SEPTIN14: variants seen among roughly 807,000 people sequenced by gnomAD.
SEPTIN14 encodes the protein septin 14.
SEPTIN14 carries 40 observed loss-of-function variants against 53.6 expected under a neutral mutation model. That is an observed-to-expected ratio of 0.75 (90% confidence interval 0.58 to 0.97). SEPTIN14 has a LOEUF of 0.97. Among genes scored for constraint, SEPTIN14 ranks in the 50% least tolerant of loss-of-function variants. SEPTIN14 has a pLI of 0.00. For missense variants in SEPTIN14, 471 were observed against 508.2 expected (o/e 0.93, Z 0.70); for synonymous variants, 138 against 166.8 (o/e 0.83, Z 1.33).
intron 4 of SEPTIN14, 102 bp downstream of exon 4, chr7:55,844,421 C>T: frequency 1.9e-6 from 1 of 525,988 alleles, no homozygotes; most frequent in East Asian, 2.9e-5. Context: ...ATATTAAAAT[C>T]TGGAAGAAAA....
At chr7:55,854,783 A>G (rs187793932) in intron 2 of SEPTIN14, among the ~76,000 whole-genome samples, 143 of 152,316 alleles carry the variant, frequency 9.4e-4, no homozygotes, top group Non-Finnish European at 1.5e-3. Flanking sequence ...AATATTCAAA[A>G]GAGTTTGTCA....
At chr7:55,829,904 C>T (rs1157085008) in intron 6 of SEPTIN14, among the ~76,000 whole-genome samples, 4 of 149,908 alleles carry the variant, frequency 2.7e-5, no homozygotes, top group Admixed American at 2.0e-4. Context: ...TTTGGCCAGG[C>T]GCGGTGGCTC....
At chr7:55,843,810 C>T (rs1789356799) in intron 4 of SEPTIN14, among the ~76,000 whole-genome samples, 1 of 152,064 alleles carries the variant, frequency 6.6e-6, no homozygotes, top group Non-Finnish European at 1.5e-5. Context: ...CTAGCCTGGG[C>T]AACAGAGCAA....
Position 55,796,046 on chromosome 7 carries a change from A to C in SEPTIN14, c.1166T>G (p.Ile389Arg). The C allele has an allele frequency of 6.6e-7, 1 of 1,507,578 alleles. No individual in the cohort carries two copies. The highest frequency in any genetic ancestry group is 9.1e-7 in the Non-Finnish European group (1 of 1,099,570). The allele number at this position is 1,507,578 out of a possible 1,614,324, so 93.4% of individuals were successfully genotyped here. ...TTTTTTCTCTTCCTCGAGCTTCCTT[A>C]TCTCCTCCTGTTGAATCATTTTAAG... is the stretch of plus-strand genomic sequence containing the variant. Reference protein sequence around the residue: ...EHLKMIQQEEIRKLEEEKKQL... With the variant: ...EHLKMIQQEERRKLEEEKKQL... The change falls in exon 10 of 10, where the codon ATA becomes AGA. Residue 389 changes from isoleucine (I) to arginine (R), a missense_variant. Physicochemically the swap from Ile to Arg is moderately conservative, Grantham distance 97. Coordinates refer to ENST00000388975, the MANE Select transcript of SEPTIN14 (RefSeq NM_207366.3).
At chr7:55,840,210 C>T (rs1409924099) in intron 5 of SEPTIN14, among the ~76,000 whole-genome samples, 3 of 149,856 alleles carry the variant, frequency 2.0e-5, no homozygotes, top group South Asian at 2.1e-4. Context: ...AATGTGAGGC[C>T]GGGCACAGTG....
intron 6 of SEPTIN14, among the ~76,000 whole-genome samples, chr7:55,820,283 G>A (rs138217609): frequency 0.036 from 5,517 of 152,282 alleles, 139 homozygotes; most frequent in South Asian, 0.056. Flanking sequence ...TTACGGGCGT[G>A]AGCCACCACG....
intron 9 of SEPTIN14, chr7:55,798,622 CGT>C: frequency 2.8e-6 from 1 of 353,878 alleles, no homozygotes; most frequent in Non-Finnish European, 5.5e-6. Flanking sequence ...TCCGGCAGCC[CGT>C]GAGTGGCACT....
intron 5 of SEPTIN14, among the ~76,000 whole-genome samples, chr7:55,840,518 C>A (rs10239528): frequency 0.27 from 40,262 of 151,678 alleles, 6,507 homozygotes; most frequent in East Asian, 0.46. Flanking sequence ...GTGGACACCC[C>A]GGAGACACTA....
chr7:55,861,570 TTTG>T (rs1369730018), intron 2 of SEPTIN14, among the ~76,000 whole-genome samples: 2 of 151,954 alleles, frequency 1.3e-5, no homozygotes, highest in Non-Finnish European at 2.9e-5. Flanking sequence ...CATCCAACCA[TTTG>T]CTAAAATAAC....
chr7:55,860,746 G>T (rs945318864), intron 2 of SEPTIN14, among the ~76,000 whole-genome samples: 2 of 152,106 alleles, frequency 1.3e-5, no homozygotes, highest in Non-Finnish European at 2.9e-5. Context: ...CACATGAATA[G>T]GACTAGTGCT....
At chr7:55,860,393 G>A (rs77606751) in intron 2 of SEPTIN14, among the ~76,000 whole-genome samples, 3 of 152,060 alleles carry the variant, frequency 2.0e-5, no homozygotes, top group African/African-American at 7.2e-5. Flanking sequence ...TGTGAGTAGT[G>A]GGGGGATGAA....
rs946700457 is a variant in SEPTIN14, at chr7:55,798,330, C to T, written c.1120-2238G>A. 1.6e-5 allele frequency: 5 copies of T among 305,120 alleles called. No homozygotes were observed. The East Asian group carries it at 3.6e-4, about 22-fold the overall frequency. The allele number at this position is 305,120 out of a possible 1,614,324, so 18.9% of individuals were successfully genotyped here. A position where few individuals can be genotyped will look rare whatever the true frequency, so the allele number is the denominator to read the frequency against. On this transcript the variant is annotated intron_variant, in intron 9 of 9. Transcript: ENST00000388975. Reference sequence around the variant, plus strand: ...CCCTGAAGCCACCTGCCCTGAAAGCCCAGGGCCCAGAACCCCACACACTTT... The same window carrying T: ...CCCTGAAGCCACCTGCCCTGAAAGCTCAGGGCCCAGAACCCCACACACTTT...
intron 6 of SEPTIN14, among the ~76,000 whole-genome samples, chr7:55,832,905 G>C (rs1789134935): frequency 2.0e-5 from 3 of 151,896 alleles, no homozygotes; most frequent in Admixed American, 2.0e-4. Context: ...AGTTACACTA[G>C]AAGCCAAACC....
At chr7:55,844,386 T>G (rs1163240838) in intron 4 of SEPTIN14, 137 bp downstream of exon 4, 1 of 445,874 alleles carries the variant, frequency 2.2e-6, no homozygotes, top group East Asian at 3.4e-5. Flanking sequence ...ATTAATCTTA[T>G]AAGAAAAGAA....
At position 55,814,050 on chromosome 7, in the gene SEPTIN14, T is replaced by C. The variant is rs560145821; in HGVS notation, c.817+5077A>G. Among the ~76,000 whole-genome samples the C allele has an allele frequency of 3.0e-4, 46 of 152,250 alleles. 1 individual carries two copies. The South Asian group carries it at 8.9e-3, about 29-fold the overall frequency. ...CTAGCACAGACAGAGAGACTCCTTC[T>C]GTTTGGGAGAAAGTGAGAAAAGAGT... On this transcript the variant is annotated intron_variant, in intron 7 of 9. Transcript: ENST00000388975.
Position 55,862,014 on chromosome 7 carries a change from G to A in SEPTIN14, c.-15-3C>T. On this transcript the variant is annotated splice_polypyrimidine_tract_variant and splice_region_variant and intron_variant, in intron 1 of 9. Coordinates refer to ENST00000388975, the MANE Select transcript of SEPTIN14 (RefSeq NM_207366.3). ...TCTGCCATGCTACACTAAAAGAGCTGGAAATTTAAAAAAATAAACATTTTT... is the reference window on the plus strand; with the variant it reads ...TCTGCCATGCTACACTAAAAGAGCTAGAAATTTAAAAAAATAAACATTTTT... The A allele has an allele frequency of 1.3e-6, 2 of 1,537,300 alleles. No individual in the cohort carries two copies. Among genetic ancestry groups the A allele is most frequent in the South Asian group, 1.3e-5 (1 of 79,028 alleles).
At chr7:55,800,237 G>A (rs1212976145) in intron 9 of SEPTIN14, among the ~76,000 whole-genome samples, 1 of 152,162 alleles carries the variant, frequency 6.6e-6, no homozygotes, top group Non-Finnish European at 1.5e-5. Flanking sequence ...CAACATGGAT[G>A]GAACTGGAGG....
At chr7:55,824,338 A>C (rs1025306325) in intron 6 of SEPTIN14, among the ~76,000 whole-genome samples, 1 of 152,208 alleles carries the variant, frequency 6.6e-6, no homozygotes, top group East Asian at 1.9e-4. Context: ...CCAAATAGCC[A>C]CCTCAACAAA....
intron 3 of SEPTIN14, among the ~76,000 whole-genome samples, chr7:55,845,460 T>G (rs1789386724): frequency 6.6e-6 from 1 of 151,832 alleles, no homozygotes; most frequent in Admixed American, 6.6e-5. Context: ...CAAACAGGAG[T>G]AGAAATAAGT....
Sources: gnomAD v4.1 joint callset for allele counts (sites outside exome capture counted in the v4.1 genomes callset) on GRCh38, gnomAD v4.1.1 for gene constraint, MANE v1.5 for transcripts, NCBI Gene and HGNC (gene_info 2026-07-23, HGNC 2026-07-21) for gene names.